BRAP: variants seen among roughly 807,000 people sequenced by gnomAD.
BRAP encodes the protein BRCA1 associated protein.
In BRAP, 42 loss-of-function variants were observed where a neutral mutation model predicts 73.4. The ratio of observed to expected loss-of-function variants is 0.57; its 90% CI spans 0.45 to 0.74. The LOEUF is 0.74. BRAP is among the 30% of genes least tolerant of loss of function. The pLI is 0.00. For synonymous variants in BRAP, 255 were observed against 267.4 expected (o/e 0.95, Z 0.45); for missense variants, 593 against 751.4 (o/e 0.79, Z 2.46).
intron 5 of BRAP, chr12:111,669,869 A>G (rs1887102339): frequency 1.3e-5 from 8 of 632,186 alleles, no homozygotes; most frequent in Admixed American, 2.6e-5. Context: ...TTGGTCATTG[A>G]CATTTCCAAC....
At chr12:111,652,732 A>G (rs1201649619) in intron 10 of BRAP, among the ~76,000 whole-genome samples, 3 of 151,358 alleles carry the variant, frequency 2.0e-5, no homozygotes, top group Non-Finnish European at 4.4e-5. Flanking sequence ...TTTTTTTGAG[A>G]TGGCGTCTCG....
intron 4 of BRAP, among the ~76,000 whole-genome samples, chr12:111,673,510 G>GAAAAAAAAAAAAA: frequency 8.5e-6 from 1 of 118,156 alleles, no homozygotes; most frequent in Non-Finnish European, 1.8e-5. Context: ...ATCTCAAAAA[G>GAAAAAAAAAAAAA]AAAAAAAAAA....
intron 7 of BRAP, 114 bp downstream of exon 7, chr12:111,660,486 A>T (rs1754833426): frequency 1.1e-6 from 1 of 905,526 alleles, no homozygotes. Flanking sequence ...CTGTCTCTTA[A>T]AATAAAAAAT....
intron 3 of BRAP, among the ~76,000 whole-genome samples, chr12:111,679,641 C>T (rs1288706648): frequency 2.0e-5 from 3 of 151,706 alleles, no homozygotes; most frequent in South Asian, 4.2e-4. Context: ...TTTGGCAGGC[C>T]GAGGCGGGTG....
intron 4 of BRAP, among the ~76,000 whole-genome samples, chr12:111,674,126 T>C (rs1887284778): frequency 6.6e-6 from 1 of 152,160 alleles, no homozygotes; most frequent in Non-Finnish European, 1.5e-5. Context: ...CAGGCAAAAA[T>C]ATTCCTGCCT....
In BRAP at chr12:111,644,441, T is replaced by A. The variant is rs140662424; in HGVS notation, c.1537A>T (p.Arg513Trp). 6.2e-7 allele frequency: 1 copy of A among 1,613,990 alleles called. No homozygotes were observed. Among genetic ancestry groups the A allele is most frequent in the Non-Finnish European group, 8.5e-7 (1 of 1,180,030 alleles). The change falls in exon 12 of 12, where the codon AGG becomes TGG. Residue 513 changes from arginine (R) to tryptophan (W), a missense_variant. Physicochemically the swap from Arg to Trp is moderately radical, Grantham distance 101 (BLOSUM62 -3). Transcript: ENST00000419234. Reference protein sequence around the residue: ...LLQNKLKEEERVLKETCDQKD... With the variant: ...LLQNKLKEEEWVLKETCDQKD... ...TGGTCACAGGTCTCCTTCAGCACCCTCTCCTCCTCTTTTAGCTTGTTCTGC... is the reference window on the plus strand; with the variant it reads ...TGGTCACAGGTCTCCTTCAGCACCCACTCCTCCTCTTTTAGCTTGTTCTGC...
chr12:111,645,643 G>C (rs1490149527), intron 11 of BRAP, among the ~76,000 whole-genome samples: 1 of 152,134 alleles, frequency 6.6e-6, no homozygotes, highest in African/African-American at 2.4e-5. Flanking sequence ...CCCTATTCTT[G>C]ATGTCCAGTC....
chr12:111,669,856 G>T (rs1218592099), intron 5 of BRAP: 1 of 641,984 alleles, frequency 1.6e-6, no homozygotes, highest in Non-Finnish European at 2.7e-6. Context: ...TCGTTTAATT[G>T]TCTTGGTCAT....
intron 8 of BRAP, 136 bp from the exon 9 acceptor site, chr12:111,658,981 G>T: frequency 1.2e-6 from 1 of 806,048 alleles, no homozygotes; most frequent in Middle Eastern, 3.6e-4. Context: ...CAAATCATTT[G>T]AATTTTAGAG....
intron 9 of BRAP, among the ~76,000 whole-genome samples, 176 bp downstream of exon 9, chr12:111,658,560 G>A (rs999207962): frequency 1.3e-5 from 2 of 152,100 alleles, no homozygotes; most frequent in African/African-American, 4.8e-5. Flanking sequence ...CTGAACTCAG[G>A]TGATCCACCT....
chr12:111,662,051 A>T (rs1456257740), intron 6 of BRAP, among the ~76,000 whole-genome samples: 1 of 152,230 alleles, frequency 6.6e-6, no homozygotes, highest in Non-Finnish European at 1.5e-5. Context: ...GGAAGATACC[A>T]GTGCTCTATC....
chr12:111,668,155 C>T (rs1396398686), intron 5 of BRAP, among the ~76,000 whole-genome samples: 2 of 151,788 alleles, frequency 1.3e-5, no homozygotes, highest in African/African-American at 2.4e-5. Flanking sequence ...TGCAGTGAGC[C>T]GAGACTGCTC....
intron 6 of BRAP, among the ~76,000 whole-genome samples, chr12:111,663,968 A>G (rs1886844846): frequency 6.6e-6 from 1 of 152,144 alleles, no homozygotes; most frequent in Non-Finnish European, 1.5e-5. Context: ...GTTGGAAAAA[A>G]TGGTCCCTGA....
intron 3 of BRAP, among the ~76,000 whole-genome samples, chr12:111,679,968 C>T (rs1465479940): frequency 2.0e-5 from 3 of 150,906 alleles, no homozygotes; most frequent in Non-Finnish European, 4.4e-5. Flanking sequence ...AAAAAAACAG[C>T]TCTAAATATA....
intron 4 of BRAP, among the ~76,000 whole-genome samples, chr12:111,673,985 C>A (rs756468003): frequency 6.6e-6 from 1 of 152,174 alleles, no homozygotes; most frequent in Non-Finnish European, 1.5e-5. Flanking sequence ...GATTTTATTC[C>A]CATACGGGCA....
intron 10 of BRAP, among the ~76,000 whole-genome samples, chr12:111,651,433 G>A (rs1025491096): frequency 6.6e-5 from 10 of 151,616 alleles, no homozygotes; most frequent in Non-Finnish European, 1.2e-4. Context: ...AGCTACTCAG[G>A]AGGCTGAGGC....
chr12:111,683,291 A>T lies in BRAP; in HGVS notation c.99T>A (p.Asp33Glu), dbSNP rs1286611646. Residue 33 changes from aspartate to glutamate, a missense_variant, in exon 2 of 12, where the codon GAT (aspartate) becomes GAA (glutamate). Asp to Glu is a conservative substitution (Grantham distance 45, BLOSUM62 2). Around this residue, in one of 4 missense-constraint regions of BRAP, gnomAD observed 304 missense variants for 337.7 expected, o/e 0.90. Coordinates refer to ENST00000419234, the MANE Select transcript of BRAP (RefSeq NM_006768.5). ...GFSAAAGEMS[D>E]EEIKKTTLAS... ...CTAGTGTCGTCTTTTTTATCTCCTC[A>T]TCAGACATTTCCCCGGCTAAAGAAC... 3 of 1,610,398 alleles carry T rather than the reference A, an allele frequency of 1.9e-6. No homozygotes were observed. The African/African-American group carries it at 4.0e-5, about 22-fold the overall frequency.
chr12:111,678,260 A>G (rs952600228), intron 4 of BRAP, among the ~76,000 whole-genome samples: 1 of 151,702 alleles, frequency 6.6e-6, no homozygotes, highest in African/African-American at 2.4e-5. Context: ...AAAAAAAAAA[A>G]AAAAAAAAAT....
At chr12:111,678,486 G>A (rs756256933) in intron 4 of BRAP, among the ~76,000 whole-genome samples, 24 of 149,532 alleles carry the variant, frequency 1.6e-4, no homozygotes, top group Non-Finnish European at 3.3e-4. Flanking sequence ...GTGAAACTCT[G>A]TCTGCACTAA....
Sources: gnomAD v4.1 joint callset for allele counts (sites outside exome capture counted in the v4.1 genomes callset) on GRCh38, gnomAD v4.1.1 for gene constraint, gnomAD v4.1.1 regional missense constraint, MANE v1.5 for transcripts, NCBI Gene and HGNC (gene_info 2026-07-23, HGNC 2026-07-21) for gene names.